ARHGEF33: variants seen among roughly 807,000 people sequenced by gnomAD.
ARHGEF33 encodes the protein Rho guanine nucleotide exchange factor 33, also known as DH and coiled-coil domain-containing protein ENSP00000381780.
A neutral mutation model predicts 101.9 loss-of-function variants in ARHGEF33; 72 were observed. The observed-to-expected ratio is 0.71, with a 90% CI of 0.58 to 0.86. The LOEUF (loss-of-function observed/expected upper bound fraction) is 0.86, where lower values mean the gene tolerates loss of function less well. Ranked by LOEUF, ARHGEF33 falls within the 40% of genes least tolerant of loss-of-function variation. The pLI is 0.00. For synonymous variants in ARHGEF33, 499 were observed against 442.5 expected, an observed-to-expected ratio of 1.13 and a Z score of -1.60; for missense variants, 1,169 against 1,111.3, an observed-to-expected ratio of 1.05 and a Z score of -0.74.
rs1243813425 is a variant in ARHGEF33, at chr2:38,929,820, G to T, written c.352G>T (p.Val118Phe). ...QQEKRRESRK[V>F]KAKKTQKEEH... ...GGAGAAGCGAAGAGAATCTCGAAAA[G>T]TTAAAGCCAAGTGAGTGTCTTTTAA... Residue 118 changes from valine to phenylalanine, a missense_variant, in exon 6 of 18, where the codon GTT becomes TTT. Transcript: ENST00000409978. 1.3e-6 allele frequency: 2 copies of T among 1,551,248 alleles called. No individual in the cohort carries two copies. The highest frequency in any genetic ancestry group is 8.7e-7 in the Non-Finnish European group (1 of 1,146,738).
intron 7 of ARHGEF33, among the ~76,000 whole-genome samples, chr2:38,931,570 T>G (rs1047762812): frequency 3.3e-5 from 5 of 152,212 alleles, no homozygotes; most frequent in Non-Finnish European, 7.3e-5. Context: ...AAAAAATCAC[T>G]TACTCTAACA....
intron 5 of ARHGEF33, among the ~76,000 whole-genome samples, 184 bp from the exon 6 acceptor site, chr2:38,929,525 C>T (rs913797198): frequency 2.6e-5 from 4 of 151,960 alleles, no homozygotes; most frequent in Admixed American, 1.3e-4. Context: ...AAATATCTTT[C>T]ATGTTTTCTT....
chr2:38,895,189 C>T, intron 1 of ARHGEF33, among the ~76,000 whole-genome samples: 1 of 152,138 alleles, frequency 6.6e-6, no homozygotes, highest in East Asian at 1.9e-4. Context: ...GGTCAGGAAA[C>T]CGAAGTCCAG....
At chr2:38,925,808 G>T (rs1666856812) in intron 4 of ARHGEF33, among the ~76,000 whole-genome samples, 1 of 152,114 alleles carries the variant, frequency 6.6e-6, no homozygotes, top group Admixed American at 6.5e-5. Context: ...TTATGACTTT[G>T]CAAGGTTCCC....
chr2:38,971,988 A>C, intron 17 of ARHGEF33: 1 of 718,440 alleles, frequency 1.4e-6, no homozygotes, highest in East Asian at 2.7e-5. Flanking sequence ...AAAGTGTGAC[A>C]TGTTGGGTTT....
At chr2:38,933,477 G>A (rs1667059144) in intron 7 of ARHGEF33, among the ~76,000 whole-genome samples, 1 of 151,846 alleles carries the variant, frequency 6.6e-6, no homozygotes, top group Non-Finnish European at 1.5e-5. Flanking sequence ...TCCACCTCCT[G>A]GGTTCAAGCA....
intron 1 of ARHGEF33, among the ~76,000 whole-genome samples, chr2:38,893,725 TGG>T (rs1666059235): frequency 6.6e-6 from 1 of 152,250 alleles, no homozygotes; most frequent in Admixed American, 6.5e-5. Context: ...GCCTTTTATG[TGG>T]TATATGCTTA....
At position 38,967,215 on chromosome 2, in the gene ARHGEF33, G is replaced by A. The variant is rs77141458; in HGVS notation, c.2483+1070G>A. 7.9e-5 allele frequency among the ~76,000 whole-genome samples: 12 copies of A among 152,306 alleles called. No individual in the cohort carries two copies. The East Asian group carries it at 2.1e-3, about 27-fold the overall frequency. ...TGGAGTGAGGACTTTGTTTTTGCTG[G>A]TTTGTCTAATTGTAATTATCCTCCT... On this transcript the variant is annotated intron_variant, in intron 17 of 17. Transcript: ENST00000409978.
At chr2:38,923,718 T>A (rs953941603) in intron 4 of ARHGEF33, among the ~76,000 whole-genome samples, 1 of 152,196 alleles carries the variant, frequency 6.6e-6, no homozygotes, top group Non-Finnish European at 1.5e-5. Context: ...CATGCAGTCA[T>A]TCAGTCTTGT....
At chr2:38,914,916 A>G (rs1195934476) in intron 2 of ARHGEF33, among the ~76,000 whole-genome samples, 1 of 152,218 alleles carries the variant, frequency 6.6e-6, no homozygotes, top group Non-Finnish European at 1.5e-5. Flanking sequence ...AACAGCCACA[A>G]TAAAAACAGT....
chr2:38,923,011 G>A (rs970320041), intron 4 of ARHGEF33, among the ~76,000 whole-genome samples: 1 of 152,144 alleles, frequency 6.6e-6, no homozygotes, highest in African/African-American at 2.4e-5. Flanking sequence ...TCTGACCTGT[G>A]TATAACATTT....
intron 13 of ARHGEF33, among the ~76,000 whole-genome samples, chr2:38,955,540 G>C (rs1667719418): frequency 7.3e-6 from 1 of 137,316 alleles, no homozygotes; most frequent in Non-Finnish European, 1.5e-5. Context: ...TCAGGCTGGA[G>C]TGCAGTGGTG....
chr2:38,963,319 C>A (rs1189409780), intron 16 of ARHGEF33, among the ~76,000 whole-genome samples: 1 of 152,166 alleles, frequency 6.6e-6, no homozygotes, highest in African/African-American at 2.4e-5. Flanking sequence ...GTATATCTTT[C>A]ACCCAGCCCA....
At chr2:38,954,532 T>C (rs1667691319) in intron 13 of ARHGEF33, 76 bp downstream of exon 13, 1 of 817,234 alleles carries the variant, frequency 1.2e-6, no homozygotes, top group Non-Finnish European at 2.1e-6. Flanking sequence ...AACTGAGAAA[T>C]ACTGTAAAGC....
intron 2 of ARHGEF33, among the ~76,000 whole-genome samples, chr2:38,913,817 T>C (rs1470743168): frequency 6.7e-6 from 1 of 149,316 alleles, no homozygotes; most frequent in African/African-American, 2.5e-5. Flanking sequence ...AGTGACCACA[T>C]AGTCAAAAGA....
intron 1 of ARHGEF33, among the ~76,000 whole-genome samples, chr2:38,893,063 A>G (rs1415006050): frequency 1.3e-5 from 2 of 152,106 alleles, no homozygotes; most frequent in South Asian, 4.2e-4. Context: ...TCTGCCCCCA[A>G]TCTACCTGTC....
Position 38,960,570 on chromosome 2 carries a change from C to T in ARHGEF33, c.2265C>T (p.Ala755=), listed in dbSNP as rs978275905. ...QAHGPAAAAV[A]ARGASRTFFP... Reference sequence around the variant, plus strand: ...ACGGCCCGGCCGCCGCCGCCGTCGCCGCCCGCGGCGCATCCAGGACCTTCT... The same window carrying T: ...ACGGCCCGGCCGCCGCCGCCGTCGCTGCCCGCGGCGCATCCAGGACCTTCT... Residue 755 remains alanine (A), a synonymous_variant, in exon 16 of 18, where the codon GCC becomes GCT. Coordinates refer to ENST00000409978, the MANE Select transcript of ARHGEF33 (RefSeq NM_001145451.5). The T allele has an allele frequency of 1.5e-5, 19 of 1,283,316 alleles. No individual in the cohort carries two copies. Among genetic ancestry groups the T allele is most frequent in the South Asian group, 1.4e-4 (8 of 56,438 alleles). 79.5% of individuals were successfully genotyped at this position (1,283,316 alleles called of 1,614,324 possible). A position where few individuals can be genotyped will look rare whatever the true frequency, so the allele number is the denominator to read the frequency against.
At chr2:38,904,716 A>G (rs1160276203) in intron 2 of ARHGEF33, among the ~76,000 whole-genome samples, 1 of 151,768 alleles carries the variant, frequency 6.6e-6, no homozygotes, top group African/African-American at 2.4e-5. Flanking sequence ...TCAAAAAAAA[A>G]AAAAAAGGAA....
intron 1 of ARHGEF33, among the ~76,000 whole-genome samples, chr2:38,895,190 C>G (rs1023839486): frequency 2.6e-5 from 4 of 152,134 alleles, no homozygotes; most frequent in Non-Finnish European, 5.9e-5. Context: ...GTCAGGAAAC[C>G]GAAGTCCAGG....
Sources: gnomAD v4.1 joint callset for allele counts (sites outside exome capture counted in the v4.1 genomes callset) on GRCh38, gnomAD v4.1.1 for gene constraint, MANE v1.5 for transcripts, NCBI Gene and HGNC (gene_info 2026-07-23, HGNC 2026-07-21) for gene names.